PLXDC1: variants seen among roughly 807,000 people sequenced by gnomAD.
The protein encoded by PLXDC1 is plexin domain-containing protein 1.
In PLXDC1, 39 loss-of-function variants were observed where a neutral mutation model predicts 61.3. The observed-to-expected ratio is 0.64, with a 90% CI of 0.49 to 0.83. PLXDC1 has a LOEUF of 0.83. Ranked by LOEUF, PLXDC1 falls within the 40% of genes least tolerant of loss-of-function variation. The pLI, the probability that PLXDC1 is intolerant of heterozygous loss-of-function variation, is 0.00. For synonymous variants in PLXDC1, 212 were observed against 254.5 expected (o/e 0.83, Z 1.59); for missense variants, 596 against 666.5 (o/e 0.89, Z 1.17).
chr17:39,122,486 G>GA (rs1026558084), intron 2 of PLXDC1, among the ~76,000 whole-genome samples: 10 of 151,914 alleles, frequency 6.6e-5, no homozygotes, highest in African/African-American at 2.4e-4. Context: ...CTACAAAATG[G>GA]AAAGCACATG....
intron 2 of PLXDC1, among the ~76,000 whole-genome samples, chr17:39,115,175 G>A (rs760222984): frequency 2.0e-5 from 3 of 152,196 alleles, no homozygotes; most frequent in Non-Finnish European, 2.9e-5. Context: ...TGGAGTTCCC[G>A]ATGACCCCTG....
Position 39,151,585 on chromosome 17 carries a change from C to G in PLXDC1, c.-148G>C. 8.7e-7 allele frequency: 1 copy of G among 1,155,740 alleles called. No individual in the cohort carries two copies. The highest frequency in any genetic ancestry group is 1.1e-6 in the Non-Finnish European group (1 of 938,422). The allele number at this position is 1,155,740 out of a possible 1,614,324, so 71.6% of individuals were successfully genotyped here. A position where few individuals can be genotyped will look rare whatever the true frequency, so the allele number is the denominator to read the frequency against. On this transcript the variant is annotated 5_prime_UTR_variant, in exon 1 of 14. Coordinates refer to ENST00000315392, the MANE Select transcript of PLXDC1 (RefSeq NM_020405.5). The surrounding 1 kb of genome is among the most constrained non-coding windows in gnomAD (Gnocchi z 5.2). ...CGGCGGAGCGCGGGGCCGGGCGAGC[C>G]GGCAGGAGCGGCGAGAGCGCGAGCG...
At chr17:39,140,584 C>T (rs1334327216) in intron 1 of PLXDC1, among the ~76,000 whole-genome samples, 1 of 152,202 alleles carries the variant, frequency 6.6e-6, no homozygotes, top group African/African-American at 2.4e-5. Context: ...GGATTACAGG[C>T]GTGAGCCACC....
intron 2 of PLXDC1, among the ~76,000 whole-genome samples, chr17:39,120,906 C>T (rs111369423): frequency 0.21 from 31,584 of 152,024 alleles, 4,002 homozygotes; most frequent in South Asian, 0.3. Flanking sequence ...TACAGGCATG[C>T]GCCATCACGC....
Position 39,151,446 on chromosome 17 carries a change from C to A in PLXDC1, c.-9G>T. The A allele has an allele frequency of 7.9e-7, 1 of 1,263,716 alleles. No individual in the cohort carries two copies. 78.3% of individuals were successfully genotyped at this position (1,263,716 alleles called of 1,614,324 possible). A position where few individuals can be genotyped will look rare whatever the true frequency, so the allele number is the denominator to read the frequency against. ...CAGAGCTCGCCTCGCATGGTGGGTGCCCGGACCTGCCCCCGGCCTGCTTGC... is the reference window on the plus strand; with the variant it reads ...CAGAGCTCGCCTCGCATGGTGGGTGACCGGACCTGCCCCCGGCCTGCTTGC... On this transcript the variant is annotated 5_prime_UTR_variant, in exon 1 of 14. Coordinates refer to ENST00000315392, the MANE Select transcript of PLXDC1 (RefSeq NM_020405.5). The surrounding 1 kb of genome is among the most constrained non-coding windows in gnomAD (Gnocchi z 5.2).
In PLXDC1 at chr17:39,067,977, G is replaced by T. The variant is rs1198668565; in HGVS notation, c.1384-18C>A. The stretch of plus-strand genomic sequence containing the variant: ...GGTCTACGCTGCAGAAGGCACAGAG[G>T]CAAAGTCAGTGGGCATGCCCCCGCC... On this transcript the variant is annotated intron_variant, in intron 13 of 13. Transcript: ENST00000315392. 3 of 1,612,448 alleles carry T rather than the reference G, an allele frequency of 1.9e-6. No individual in the cohort carries two copies. Among genetic ancestry groups the T allele is most frequent in the Admixed American group, 3.3e-5 (2 of 59,998 alleles).
upstream of PLXDC1, chr17:39,152,691 T>G: frequency 8.1e-7 from 1 of 1,233,600 alleles, no homozygotes; most frequent in Non-Finnish European, 1.0e-6. Flanking sequence ...TGGAGAAATT[T>G]TCCAGGAGGA....
intron 2 of PLXDC1, among the ~76,000 whole-genome samples, chr17:39,129,178 C>T (rs539771046): frequency 6.8e-6 from 1 of 147,486 alleles, no homozygotes; most frequent in East Asian, 2.0e-4. Context: ...ATTAGCTGGG[C>T]GTGGTGGCAC....
chr17:39,088,943 G>GAAA (rs56714275), intron 7 of PLXDC1, among the ~76,000 whole-genome samples: 229 of 63,798 alleles, frequency 3.6e-3, no homozygotes, highest in Non-Finnish European at 4.5e-3. Flanking sequence ...GAGCAAGACT[G>GAAA]AAAAAAAAAA....
chr17:39,083,626 G>T (rs990261389), intron 8 of PLXDC1, 86 bp from the exon 9 acceptor site: 19 of 998,298 alleles, frequency 1.9e-5, no homozygotes, highest in Non-Finnish European at 2.6e-5. Flanking sequence ...GGTATTTACA[G>T]AACTATGGAG....
At chr17:39,085,948 G>T (rs1235114268) in intron 8 of PLXDC1, among the ~76,000 whole-genome samples, 1 of 151,912 alleles carries the variant, frequency 6.6e-6, no homozygotes, top group African/African-American at 2.4e-5. Context: ...AGAAACTCCT[G>T]GGATCCTCCT....
chr17:39,128,087 C>CTATGTGTATATATATATATATATATA (rs1304464750), intron 2 of PLXDC1, among the ~76,000 whole-genome samples: 49 of 67,232 alleles, frequency 7.3e-4, no homozygotes, highest in South Asian at 1.2e-3. Context: ...CTCTCTCTCT[C>CTATGTGTATATATATATATATATATA]TCTCTATGTG....
intron 6 of PLXDC1, among the ~76,000 whole-genome samples, chr17:39,106,180 C>T (rs1048406731): frequency 1.3e-5 from 2 of 152,016 alleles, no homozygotes; most frequent in Non-Finnish European, 2.9e-5. Flanking sequence ...CCATGCAGGC[C>T]GGAAACCCGG....
At chr17:39,129,217 C>T (rs1911452120) in intron 2 of PLXDC1, among the ~76,000 whole-genome samples, 1 of 151,644 alleles carries the variant, frequency 6.6e-6, no homozygotes, top group Non-Finnish European at 1.5e-5. Flanking sequence ...ACTCGGGAGG[C>T]TGAGGCACAA....
intron 7 of PLXDC1, among the ~76,000 whole-genome samples, chr17:39,088,963 AAGAG>A (rs1555570852): frequency 4.2e-5 from 5 of 119,604 alleles, no homozygotes; most frequent in East Asian, 2.6e-4. Flanking sequence ...AAAAAAAAAA[AAGAG>A]AGAGAGAGAA....
intron 8 of PLXDC1, 83 bp downstream of exon 8, chr17:39,087,524 G>A: frequency 4.7e-6 from 5 of 1,068,100 alleles, no homozygotes; most frequent in Non-Finnish European, 7.2e-6. Flanking sequence ...CACAAAACAG[G>A]AGTCAGTCAT....
In PLXDC1 at chr17:39,108,190, C is replaced by A; in HGVS notation, c.525G>T (p.Val175=). 1 of 1,614,148 alleles carries A rather than the reference C, an allele frequency of 6.2e-7. No homozygotes were observed. The highest frequency in any genetic ancestry group is 8.5e-7 in the Non-Finnish European group (1 of 1,180,000). ...IHRMLTATQY[V]APLMANFNPG... ...GGTTGAAGTTGGCCATCAGGGGCGC[C>A]ACATACTGAGTAGCTGTGAGCATCC... The change falls in exon 5 of 14, where the codon GTG becomes GTT. Residue 175 remains valine, a synonymous_variant. Coordinates refer to ENST00000315392, the MANE Select transcript of PLXDC1 (RefSeq NM_020405.5).
chr17:39,079,312 T>G, intron 9 of PLXDC1, 148 bp from the exon 10 acceptor site: 2 of 678,918 alleles, frequency 2.9e-6, no homozygotes, highest in African/African-American at 1.8e-5. Flanking sequence ...TTCCCTCTAC[T>G]TCCCCGGAAG....
intron 1 of PLXDC1, among the ~76,000 whole-genome samples, chr17:39,144,334 G>C (rs1387072119): frequency 6.6e-6 from 1 of 152,198 alleles, no homozygotes; most frequent in Admixed American, 6.5e-5. Context: ...AAACACAAAT[G>C]AGGTTTTATA....
Sources: allele counts gnomAD v4.1 joint callset (sites outside exome capture counted in the v4.1 genomes callset), GRCh38; gene constraint gnomAD v4.1.1; non-coding constraint Gnocchi (gnomAD v3.1); transcripts MANE v1.5; gene names NCBI Gene and HGNC (gene_info 2026-07-23, HGNC 2026-07-21).